DENND2B: variants seen among roughly 807,000 people sequenced by gnomAD.
DENND2B encodes the protein DENN domain-containing protein 2B.
DENND2B carries 32 observed loss-of-function variants against 116.0 expected under a neutral mutation model. The observed-to-expected ratio is 0.28, with a 90% CI of 0.21 to 0.37. DENND2B has a LOEUF of 0.37. Ranked by LOEUF, DENND2B falls within the 10% of genes least tolerant of loss-of-function variation. DENND2B has a pLI of 1.00. For synonymous variants in DENND2B, 588 were observed against 583.9 expected (o/e 1.01, Z -0.10); for missense variants, 1,276 against 1,477.7 (o/e 0.86, Z 2.24).
At chr11:8,830,914 T>C (rs1450862935) in intron 4 of DENND2B, 3 of 152,328 alleles carry the variant, frequency 2.0e-5, no homozygotes, top group Non-Finnish European at 4.4e-5. Flanking sequence ...AAGAGACACA[T>C]AAGAAAGAAA....
intron 7 of DENND2B, among the ~76,000 whole-genome samples, chr11:8,714,345 T>G (rs2044329621): frequency 6.6e-6 from 1 of 152,250 alleles, no homozygotes; most frequent in South Asian, 2.1e-4. Context: ...AGGTCAAGAT[T>G]TGAAATGGGA....
At chr11:8,736,387 A>G (rs1301622575) in intron 2 of DENND2B, among the ~76,000 whole-genome samples, 1 of 152,006 alleles carries the variant, frequency 6.6e-6, no homozygotes, top group African/African-American at 2.4e-5. Flanking sequence ...GGATCAGCAG[A>G]GACTAAAAAC....
intron 3 of DENND2B, chr11:8,845,390 G>C (rs1304706466): frequency 2.0e-5 from 3 of 152,086 alleles, no homozygotes; most frequent in Non-Finnish European, 2.9e-5. Flanking sequence ...AGTATCTTTA[G>C]AATCACAAGT....
At chr11:8,717,317 A>G (rs1234901449) in intron 5 of DENND2B, among the ~76,000 whole-genome samples, 1 of 152,180 alleles carries the variant, frequency 6.6e-6, no homozygotes, top group Non-Finnish European at 1.5e-5. Flanking sequence ...CCCTAATGCC[A>G]GTACTGAGAT....
chr11:8,783,311 A>G (rs1565940593), intron 1 of DENND2B, among the ~76,000 whole-genome samples: 1 of 152,190 alleles, frequency 6.6e-6, no homozygotes, highest in Non-Finnish European at 1.5e-5. Context: ...GCTTTGGCCC[A>G]CATAGCTATT....
chr11:8,764,860 G>A (rs2055342663), intron 1 of DENND2B, among the ~76,000 whole-genome samples: 1 of 146,976 alleles, frequency 6.8e-6, no homozygotes, highest in Admixed American at 7.2e-5. Flanking sequence ...CAGGAGAATC[G>A]CTTGAACCCG....
intron 4 of DENND2B, among the ~76,000 whole-genome samples, chr11:8,822,699 G>C (rs1231496016): frequency 1.3e-5 from 2 of 152,114 alleles, no homozygotes; most frequent in African/African-American, 4.8e-5. Context: ...GCTAGTTTCG[G>C]CATTCCATTC....
chr11:8,772,600 TGA>T (rs2057081381), intron 1 of DENND2B, among the ~76,000 whole-genome samples: 1 of 151,944 alleles, frequency 6.6e-6, no homozygotes, highest in Admixed American at 6.6e-5. Context: ...AGAGTGAGTG[TGA>T]GAGTGTGGGT....
At position 8,710,931 on chromosome 11, in the gene DENND2B, T is replaced by G. The variant is rs201086563; in HGVS notation, c.2283-17A>C. 2 of 1,613,694 alleles carry G rather than the reference T, an allele frequency of 1.2e-6. No homozygotes were observed. The highest frequency in any genetic ancestry group is 2.2e-5 in the East Asian group (1 of 44,864). ...AAGGTCTCACTGGAACAAAGAGAGG[T>G]CTGGCATCAGGGAGGTGTGAGAGGA... On this transcript the variant is annotated splice_polypyrimidine_tract_variant and intron_variant, in intron 10 of 19. Transcript: ENST00000313726.
At chr11:8,752,079 C>T (rs2052609179) in intron 1 of DENND2B, among the ~76,000 whole-genome samples, 3 of 152,156 alleles carry the variant, frequency 2.0e-5, no homozygotes, top group South Asian at 4.1e-4. Flanking sequence ...AATGAGCACA[C>T]ATGAATTATC....
chr11:8,870,656 C>T (rs1023274601), intron 2 of DENND2B, among the ~76,000 whole-genome samples: 5 of 152,034 alleles, frequency 3.3e-5, no homozygotes, highest in Non-Finnish European at 5.9e-5. Context: ...GAGATCGGGT[C>T]TCCGCTCGGC....
At chr11:8,770,021 A>T (rs944354897) in intron 1 of DENND2B, among the ~76,000 whole-genome samples, 1 of 152,170 alleles carries the variant, frequency 6.6e-6, no homozygotes, top group Non-Finnish European at 1.5e-5. Context: ...TTTTTTTAAC[A>T]GCAGCTCAAA....
At chr11:8,859,767 A>G (rs1321746463) in intron 2 of DENND2B, among the ~76,000 whole-genome samples, 5 of 152,020 alleles carry the variant, frequency 3.3e-5, no homozygotes, top group Non-Finnish European at 7.4e-5. Flanking sequence ...TACCCCCACT[A>G]CCCTATCAGT....
intron 2 of DENND2B, among the ~76,000 whole-genome samples, chr11:8,736,234 CAGGCACTATTTTAGGCTG>C (rs948649956): frequency 3.3e-5 from 5 of 152,268 alleles, no homozygotes; most frequent in African/African-American, 1.2e-4. Context: ...AAGTCTATTC[CAGGCACTATTTTAGGCTG>C]AGGTGGGAGG....
At chr11:8,794,324 C>T (rs915624984) in intron 1 of DENND2B, among the ~76,000 whole-genome samples, 3 of 152,314 alleles carry the variant, frequency 2.0e-5, no homozygotes, top group African/African-American at 7.2e-5. Flanking sequence ...CTCCCAGGCA[C>T]CTAGGACTGA....
At chr11:8,703,147 T>A (rs550177892) in intron 13 of DENND2B, 1 of 160,678 alleles carries the variant, frequency 6.2e-6, no homozygotes, top group Admixed American at 6.2e-5. Context: ...CATCTCCGCA[T>A]CCCAGGACTC....
At chr11:8,875,557 C>G (rs2063832858), upstream of DENND2B, among the ~76,000 whole-genome samples, 1 of 151,478 alleles carries the variant, frequency 6.6e-6, no homozygotes, top group Non-Finnish European at 1.5e-5. Flanking sequence ...AAGCACATAC[C>G]ACAACACATG....
At chr11:8,732,154 A>G (rs1192974126) in intron 2 of DENND2B, among the ~76,000 whole-genome samples, 1 of 152,218 alleles carries the variant, frequency 6.6e-6, no homozygotes, top group East Asian at 1.9e-4. Context: ...TCCACCCTCC[A>G]GCAGTGGCAT....
rs552661164 is a variant in DENND2B at position 8,824,870 on chromosome 11, T to A, written c.-114-13535A>T. Among the ~76,000 whole-genome samples the A allele has an allele frequency of 3.3e-5, 5 of 150,192 alleles. No individual in the cohort carries two copies. In the South Asian group the frequency reaches 1.1e-3, roughly 32 times the overall value. On this transcript the variant is annotated intron_variant, in intron 4 of 6. Coordinates refer to the DENND2B transcript ENST00000524757. ...ACCCAGCTATTTTTTTTTTTTTTTT[T>A]GTATTTTTAGTAGAGACACGGTTTC...
Sources: gnomAD v4.1 joint callset for allele counts (sites outside exome capture counted in the v4.1 genomes callset) on GRCh38, gnomAD v4.1.1 for gene constraint, MANE v1.5 for transcripts, NCBI Gene and HGNC (gene_info 2026-07-23, HGNC 2026-07-21) for gene names.